The following ZNF212 variants were observed in gnomAD, a reference collection of about 807,000 sequenced individuals.
ZNF212 encodes Zinc finger protein C2H2-150.
In ZNF212, 32 loss-of-function variants were observed where a neutral mutation model predicts 47.3. The observed-to-expected ratio is 0.68, with a 90% CI of 0.51 to 0.91. The LOEUF (loss-of-function observed/expected upper bound fraction) is 0.91. ZNF212 is among the 40% of genes least tolerant of loss of function. The pLI, the probability that ZNF212 is intolerant of heterozygous loss-of-function variation, is 0.00. For synonymous variants in ZNF212, 242 were observed against 253.8 expected (o/e 0.95, Z 0.44); for missense variants, 555 against 622.8 (o/e 0.89, Z 1.16).
intron 1 of ZNF212, among the ~76,000 whole-genome samples, chr7:149,244,659 A>C (rs536524791): frequency 8.9e-4 from 135 of 152,296 alleles, no homozygotes; most frequent in African/African-American, 3.2e-3. Context: ...ATAATATCAA[A>C]GTGTAGAGAC....
intron 1 of ZNF212, among the ~76,000 whole-genome samples, chr7:149,247,293 G>C (rs1323234836): frequency 2.0e-5 from 3 of 151,556 alleles, no homozygotes; most frequent in Non-Finnish European, 4.4e-5. Flanking sequence ...AAAAATTGTG[G>C]AGGTGGGGGT....
At chr7:149,245,652 C>T (rs560615261) in intron 1 of ZNF212, among the ~76,000 whole-genome samples, 1 of 152,174 alleles carries the variant, frequency 6.6e-6, no homozygotes, top group Admixed American at 6.5e-5. Context: ...ACTATAGGCA[C>T]CTGTCATCAT....
intron 3 of ZNF212, chr7:149,251,160 TG>T (rs1297706028): frequency 3.8e-6 from 1 of 261,980 alleles, no homozygotes; most frequent in African/African-American, 2.3e-5. Flanking sequence ...TTCCTCATGT[TG>T]TTTTTTAATT....
intron 1 of ZNF212, among the ~76,000 whole-genome samples, chr7:149,245,436 G>C (rs1004965365): frequency 1.3e-5 from 2 of 152,038 alleles, no homozygotes; most frequent in African/African-American, 4.8e-5. Context: ...TTTTCTGTTG[G>C]GTGGGGTGAC....
chr7:149,254,389 C>A lies in ZNF212; in HGVS notation c.1462C>A (p.Pro488Thr), dbSNP rs145438698. ...GGAGCGGGGTGGGCTGGCCCTGGAGCCCGGAAGGCCCAATGGCCTGCTTTA... is the reference window on the plus strand; with the variant it reads ...GGAGCGGGGTGGGCTGGCCCTGGAGACCGGAAGGCCCAATGGCCTGCTTTA... ...QRERGGLALE[P>T]GRPNGLL Residue 488 changes from proline (P) to threonine (T), a missense_variant, in exon 5 of 5, where the codon CCC becomes ACC. By Grantham distance (38) the Pro-to-Thr change is conservative. Coordinates refer to ENST00000335870, the MANE Select transcript of ZNF212 (RefSeq NM_012256.4). The surrounding 1 kb of genome is among the most constrained non-coding windows in gnomAD (Gnocchi z 4.5). 2.1e-3 allele frequency: 3,391 copies of A among 1,603,554 alleles called. 5 individuals carry two copies. The highest frequency in any genetic ancestry group is 2.7e-3 in the Non-Finnish European group (3,149 of 1,179,256).
chr7:149,250,139 C>G lies in ZNF212; in HGVS notation c.25-20C>G. On this transcript the variant is annotated intron_variant, in intron 1 of 4. Coordinates refer to ENST00000335870, the MANE Select transcript of ZNF212 (RefSeq NM_012256.4). ...TTGATGTTTGGAAGTGACATTGACCCTGTGTCTTTAATCCATCAGCACAGG... is the reference window on the plus strand; with the variant it reads ...TTGATGTTTGGAAGTGACATTGACCGTGTGTCTTTAATCCATCAGCACAGG... The G allele has an allele frequency of 1.3e-6, 2 of 1,497,700 alleles. No individual in the cohort carries two copies. The highest frequency in any genetic ancestry group is 1.4e-5 in the South Asian group (1 of 70,212). The allele number at this position is 1,497,700 out of a possible 1,614,324, so 92.8% of individuals were successfully genotyped here.
At chr7:149,247,234 C>G (rs1280885611) in intron 1 of ZNF212, among the ~76,000 whole-genome samples, 1 of 151,834 alleles carries the variant, frequency 6.6e-6, no homozygotes, top group East Asian at 1.9e-4. Context: ...CTCAGCCTCC[C>G]AAGTAGCTGG....
At chr7:149,246,895 C>T (rs1796687363) in intron 1 of ZNF212, among the ~76,000 whole-genome samples, 1 of 146,690 alleles carries the variant, frequency 6.8e-6, no homozygotes, top group Non-Finnish European at 1.5e-5. Context: ...TCACCGCAAC[C>T]TCCGCCTCTC....
At chr7:149,252,828 C>T (rs1195485047) in intron 4 of ZNF212, 33 bp downstream of exon 4, 3 of 1,605,734 alleles carry the variant, frequency 1.9e-6, no homozygotes, top group Middle Eastern at 1.7e-4. Flanking sequence ...GTTCCCCTTC[C>T]ATAGCCCTCT....
chr7:149,239,927 G>A, intron 1 of ZNF212, 125 bp downstream of exon 1: 1 of 1,121,238 alleles, frequency 8.9e-7, no homozygotes, highest in Non-Finnish European at 1.1e-6. Flanking sequence ...CGTTGGCGCG[G>A]GTGAACGCGG....
Position 149,253,759 on chromosome 7 carries a change from G to A in ZNF212, c.832G>A (p.Val278Ile). ...STLEEPVGSRVPSSSRTVGCP... is the reference protein window; with the variant it reads ...STLEEPVGSRIPSSSRTVGCP... ...TCTAGAGGAGCCTGTTGGTAGTAGA[G>A]TTCCTAGCAGCAGCAGAACTGTGGG... is the stretch of plus-strand genomic sequence containing the variant. Residue 278 changes from valine (V) to isoleucine (I), a missense_variant, in exon 5 of 5, where the codon GTT becomes ATT. By Grantham distance (29) the Val-to-Ile change is conservative. Transcript: ENST00000335870. 1 of 1,614,126 alleles carries A rather than the reference G, an allele frequency of 6.2e-7. No homozygotes were observed. Among genetic ancestry groups the A allele is most frequent in the Non-Finnish European group, 8.5e-7 (1 of 1,179,974 alleles).
Position 149,255,382 on chromosome 7 carries a change from AC to A in ZNF212, c.*968del, listed in dbSNP as rs1796823907. The stretch of plus-strand genomic sequence containing the variant: ...GTTTGTTCCTATTACACCAATCCTT[AC>A]TTGAGGTGGTTCGGATTACAGTTTC... On this transcript the variant is annotated 3_prime_UTR_variant, in exon 5 of 5. Transcript: ENST00000335870. The A allele has an allele frequency of 6.5e-6, 1 of 153,618 alleles. No homozygotes were observed. Among genetic ancestry groups the A allele is most frequent in the Non-Finnish European group, 1.5e-5 (1 of 68,032 alleles). The allele number at this position is 153,618 out of a possible 1,614,324, so 9.5% of individuals were successfully genotyped here.
rs763295065 is a variant in ZNF212 at position 149,254,449 on chromosome 7, G to T, written c.*34G>T. 6 of 1,552,916 alleles carry T rather than the reference G, an allele frequency of 3.9e-6. No homozygotes were observed. The highest frequency in any genetic ancestry group is 2.4e-5 in the South Asian group (2 of 82,436). The stretch of plus-strand genomic sequence containing the variant: ...CCCCTCGCCCGTCTGGGGGATGGAG[G>T]GGGGTGGCATTGGTTCCCCCGAAGA... On this transcript the variant is annotated 3_prime_UTR_variant, in exon 5 of 5. Transcript: ENST00000335870. The surrounding 1 kb of genome is among the most constrained non-coding windows in gnomAD (Gnocchi z 4.5).
Position 149,253,980 on chromosome 7 carries a change from G to A in ZNF212, c.1053G>A (p.Glu351=). ...CTTGTACACCTGAGGAGCCAGAGGAGAGCCTTAGGCCCAGGCCACGGCTGA... is the reference window on the plus strand; with the variant it reads ...CTTGTACACCTGAGGAGCCAGAGGAAAGCCTTAGGCCCAGGCCACGGCTGA... ...WGSCTPEEPE[E]SLRPRPRLKP... is the part of the protein sequence containing the mutation. Residue 351 remains glutamate, a synonymous_variant, in exon 5 of 5, where the codon GAG becomes GAA. Coordinates refer to ENST00000335870, the MANE Select transcript of ZNF212 (RefSeq NM_012256.4). 6.2e-7 allele frequency: 1 copy of A among 1,614,026 alleles called. No individual in the cohort carries two copies. Among genetic ancestry groups the A allele is most frequent in the East Asian group, 2.2e-5 (1 of 44,878 alleles).
In ZNF212 at chr7:149,250,438, C is replaced by G. The variant is rs367853642; in HGVS notation, c.304C>G (p.Gln102Glu). The change falls in exon 2 of 5, where the codon CAG becomes GAG. Residue 102 changes from glutamine (Q) to glutamate (E), a missense_variant. Coordinates refer to ENST00000335870, the MANE Select transcript of ZNF212 (RefSeq NM_012256.4). ...GKWAVLGTLL[Q>E]EYGLLQRRLE... Reference sequence around the variant, plus strand: ...GTGGGCCGTGCTGGGGACCCTGCTGCAGGAGTATGGGCTACTGCAGAGGCG... The same window carrying G: ...GTGGGCCGTGCTGGGGACCCTGCTGGAGGAGTATGGGCTACTGCAGAGGCG... The G allele has an allele frequency of 1.2e-6, 2 of 1,614,010 alleles. No homozygotes were observed. The highest frequency in any genetic ancestry group is 1.7e-6 in the Non-Finnish European group (2 of 1,180,030).
chr7:149,248,949 G>A (rs1306651189), intron 1 of ZNF212, among the ~76,000 whole-genome samples: 1 of 152,110 alleles, frequency 6.6e-6, no homozygotes, highest in Admixed American at 6.6e-5. Flanking sequence ...GGCCCCAGCA[G>A]TTCTTTCCGA....
At position 149,250,485 on chromosome 7, in the gene ZNF212, GCTGCGCAACAGGAACTT is replaced by G. The variant is rs1415272915; in HGVS notation, c.355_371del (p.Arg119AspfsTer22). 1.9e-6 allele frequency: 3 copies of G among 1,613,986 alleles called. No individual in the cohort carries two copies. In the African/African-American group the frequency reaches 4.0e-5, roughly 22 times the overall value. On this transcript the variant is annotated frameshift_variant, in exon 2 of 5. Coordinates refer to ENST00000335870, the MANE Select transcript of ZNF212 (RefSeq NM_012256.4). LOFTEE classifies it high-confidence loss of function. ...GGCGGCTGGAGAACGTGGAGAACCT[GCTGCGCAACAGGAACTT>G]CTGGATCCTGCGGCTGCCCCCGGGC...
intron 1 of ZNF212, among the ~76,000 whole-genome samples, chr7:149,241,722 A>T (rs1796591841): frequency 6.6e-6 from 1 of 152,218 alleles, no homozygotes; most frequent in Non-Finnish European, 1.5e-5. Context: ...TCTGAAGCCA[A>T]CTTTGAGGGC....
chr7:149,253,921 G>T lies in ZNF212; in HGVS notation c.994G>T (p.Ala332Ser). The T allele has an allele frequency of 6.2e-7, 1 of 1,613,964 alleles. No individual in the cohort carries two copies. The highest frequency in any genetic ancestry group is 8.5e-7 in the Non-Finnish European group (1 of 1,179,992). ...EITFRYKQQL[A>S]THLRSHSGWG... The stretch of plus-strand genomic sequence containing the variant: ...CACCTTCCGCTATAAGCAGCAGCTG[G>T]CCACACATCTGCGCAGCCACTCTGG... The change falls in exon 5 of 5, where the codon GCC (alanine) becomes TCC (serine). Residue 332 changes from alanine to serine, a missense_variant. Physicochemically the swap from Ala to Ser is moderately conservative, Grantham distance 99. Transcript: ENST00000335870.
Sources: gnomAD v4.1 joint callset for allele counts (sites outside exome capture counted in the v4.1 genomes callset) on GRCh38, gnomAD v4.1.1 for gene constraint, Gnocchi (gnomAD v3.1) non-coding constraint, MANE v1.5 for transcripts, NCBI Gene and HGNC (gene_info 2026-07-23, HGNC 2026-07-21) for gene names.